LRRC4C: variants seen among roughly 807,000 people sequenced by gnomAD.
The protein encoded by LRRC4C is leucine-rich repeat-containing protein 4C.
In LRRC4C, 5 loss-of-function variants were observed where a neutral mutation model predicts 33.6. That is an observed-to-expected ratio of 0.15 (90% CI 0.08 to 0.31). LRRC4C has a LOEUF of 0.31. LRRC4C is among the 10% of genes least tolerant of loss of function. The pLI is 1.00. For synonymous variants in LRRC4C, 329 were observed against 302.0 expected (o/e 1.09, Z -0.93); for missense variants, 560 against 796.7 (o/e 0.70, Z 3.58).
intron 3 of LRRC4C, among the ~76,000 whole-genome samples, chr11:40,644,905 T>A (rs12291944): frequency 0.068 from 10,351 of 151,936 alleles, 1,178 homozygotes; most frequent in African/African-American, 0.24. Flanking sequence ...CAAGATATTG[T>A]CATTGGGTAT....
At chr11:40,972,938 C>T (rs1235567333) in intron 1 of LRRC4C, among the ~76,000 whole-genome samples, 2 of 152,080 alleles carry the variant, frequency 1.3e-5, no homozygotes, top group Non-Finnish European at 2.9e-5. Context: ...GTAATTGAAT[C>T]ATGGGGGCAG....
intron 1 of LRRC4C, among the ~76,000 whole-genome samples, chr11:41,029,573 T>C (rs998734730): frequency 3.3e-5 from 5 of 151,830 alleles, no homozygotes; most frequent in Non-Finnish European, 5.9e-5. Context: ...ACAGAGAATG[T>C]TGGTTCATTT....
At chr11:40,627,159 A>G (rs1009368895) in intron 3 of LRRC4C, among the ~76,000 whole-genome samples, 1 of 145,492 alleles carries the variant, frequency 6.9e-6, no homozygotes, top group Non-Finnish European at 1.5e-5. Flanking sequence ...AGACATTTTC[A>G]TCTAGGGTTA....
At chr11:40,462,523 G>A (rs921185133) in intron 3 of LRRC4C, among the ~76,000 whole-genome samples, 2 of 152,052 alleles carry the variant, frequency 1.3e-5, no homozygotes, top group Non-Finnish European at 2.9e-5. Context: ...TAGAGGCCAG[G>A]CATAATGCTT....
chr11:41,176,870 C>T (rs921481878), intron 1 of LRRC4C, among the ~76,000 whole-genome samples: 3 of 152,048 alleles, frequency 2.0e-5, no homozygotes, highest in Non-Finnish European at 4.4e-5. Context: ...GAGGCTGAGG[C>T]AGAAGAATTG....
chr11:40,306,342 TA>T (rs1180007588), intron 4 of LRRC4C, among the ~76,000 whole-genome samples: 1 of 152,194 alleles, frequency 6.6e-6, no homozygotes, highest in Non-Finnish European at 1.5e-5. Context: ...TTGTCTGTTT[TA>T]AATAAGTCTA....
At chr11:40,173,635 TGGAAACAAAATCTCA>T (rs1860229290) in intron 5 of LRRC4C, among the ~76,000 whole-genome samples, 1 of 152,202 alleles carries the variant, frequency 6.6e-6, no homozygotes. Flanking sequence ...TACATTATTA[TGGAAACAAAATCTCA>T]GTGGATCTTA....
intron 2 of LRRC4C, among the ~76,000 whole-genome samples, chr11:40,732,610 T>C (rs1449325141): frequency 6.6e-6 from 1 of 152,240 alleles, no homozygotes; most frequent in Non-Finnish European, 1.5e-5. Flanking sequence ...GTGATATCTA[T>C]TCTATGCATA....
chr11:40,868,155 C>T (rs1954462186), intron 2 of LRRC4C, among the ~76,000 whole-genome samples: 1 of 151,964 alleles, frequency 6.6e-6, no homozygotes, highest in Non-Finnish European at 1.5e-5. Context: ...AAACTGTGTG[C>T]ACATTGGAAT....
chr11:41,191,433 A>G (rs1360235132), intron 1 of LRRC4C, among the ~76,000 whole-genome samples: 2 of 152,068 alleles, frequency 1.3e-5, no homozygotes, highest in African/African-American at 4.8e-5. Context: ...ATTTAACTAA[A>G]CTCATCTGTC....
intron 6 of LRRC4C, among the ~76,000 whole-genome samples, chr11:40,130,541 C>T (rs933382635): frequency 2.1e-4 from 32 of 152,276 alleles, no homozygotes; most frequent in African/African-American, 7.7e-4. Context: ...CATAGCCCAT[C>T]AATAGTTCCC....
chr11:41,441,480 C>A (rs1955616392), intron 1 of LRRC4C, among the ~76,000 whole-genome samples: 1 of 150,278 alleles, frequency 6.7e-6, no homozygotes, highest in Admixed American at 6.6e-5. Context: ...AAGTTACTTT[C>A]AACGCTCTTT....
At chr11:40,397,059 G>A (rs1284652319) in intron 3 of LRRC4C, among the ~76,000 whole-genome samples, 1 of 151,938 alleles carries the variant, frequency 6.6e-6, no homozygotes, top group East Asian at 1.9e-4. Context: ...AAACCCAAAA[G>A]ACATCTAAAC....
intron 3 of LRRC4C, among the ~76,000 whole-genome samples, chr11:40,366,591 G>A (rs75859831): frequency 0.031 from 4,774 of 152,060 alleles, 229 homozygotes; most frequent in African/African-American, 0.1. Flanking sequence ...TAACATACGT[G>A]TATATATAGC....
chr11:40,388,180 C>T (rs1027200154), intron 3 of LRRC4C, among the ~76,000 whole-genome samples: 17 of 152,038 alleles, frequency 1.1e-4, no homozygotes, highest in African/African-American at 4.1e-4. Context: ...TAGACATTTT[C>T]CCTTTATAAA....
At chr11:40,905,552 G>A (rs1024430176) in intron 2 of LRRC4C, among the ~76,000 whole-genome samples, 17 of 152,122 alleles carry the variant, frequency 1.1e-4, no homozygotes, top group African/African-American at 1.9e-4. Context: ...GAAACTACAC[G>A]TTCCATATGC....
chr11:41,394,213 G>C (rs79521873), intron 1 of LRRC4C, among the ~76,000 whole-genome samples: 1 of 152,040 alleles, frequency 6.6e-6, no homozygotes, highest in East Asian at 2.0e-4. Context: ...AAGAGGCACT[G>C]ATTTCACTTG....
intron 1 of LRRC4C, among the ~76,000 whole-genome samples, chr11:40,937,800 C>A (rs995343960): frequency 2.0e-5 from 3 of 151,922 alleles, no homozygotes; most frequent in African/African-American, 7.3e-5. Flanking sequence ...TGCCACCATG[C>A]CCAGCTTTTT....
intron 1 of LRRC4C, among the ~76,000 whole-genome samples, chr11:41,298,696 T>A (rs961889000): frequency 2.0e-5 from 3 of 152,168 alleles, no homozygotes; most frequent in Non-Finnish European, 4.4e-5. Context: ...TTTACATAGA[T>A]ACAATTTGTA....
Sources: gnomAD v4.1 joint callset for allele counts (sites outside exome capture counted in the v4.1 genomes callset) on GRCh38, gnomAD v4.1.1 for gene constraint, MANE v1.5 for transcripts, NCBI Gene and HGNC (gene_info 2026-07-23, HGNC 2026-07-21) for gene names.